Variants in CFAP92 observed in about 807,000 individuals in gnomAD.
CFAP92 encodes the protein cilia and flagella associated protein 92 (putative).
Under a neutral mutation model 106.3 loss-of-function variants are expected in CFAP92, and 86 were observed. That is an observed-to-expected ratio of 0.81 (90% confidence interval 0.68 to 0.97). The LOEUF (loss-of-function observed/expected upper bound fraction) is 0.97. CFAP92 is among the 50% of genes least tolerant of loss of function. CFAP92 has a pLI of 0.00. For missense variants in CFAP92, 1,204 were observed against 1,283.8 expected (o/e 0.94, Z 0.95); for synonymous variants, 477 against 506.4 (o/e 0.94, Z 0.78).
intron 10 of CFAP92, 144 bp downstream of exon 10, chr3:128,944,927 C>T: frequency 1.4e-6 from 1 of 733,572 alleles, no homozygotes; most frequent in African/African-American, 1.8e-5. Flanking sequence ...AATGACTAAA[C>T]CCTGGTAAGT....
At chr3:129,006,034 T>C (rs1376789007), upstream of CFAP92, among the ~76,000 whole-genome samples, 1 of 152,256 alleles carries the variant, frequency 6.6e-6, no homozygotes, top group Admixed American at 6.5e-5. Context: ...TCATAGCCAA[T>C]GCACCATTTA....
At chr3:129,011,550 CAAA>C in the CFAP92 span, among the ~76,000 whole-genome samples, 4 of 93,480 alleles carry the variant, frequency 4.3e-5, no homozygotes, top group African/African-American at 7.5e-5. Context: ...GACTCCGTCT[CAAA>C]AAAAAAAAAA....
chr3:129,023,570 G>A, the CFAP92 span, among the ~76,000 whole-genome samples: 1 of 152,176 alleles, frequency 6.6e-6, no homozygotes, highest in East Asian at 1.9e-4. Context: ...CTGACCTCAT[G>A]ATCCACCCGC....
intron 12 of CFAP92, among the ~76,000 whole-genome samples, chr3:128,924,667 G>A (rs931503327): frequency 4.0e-5 from 6 of 151,412 alleles, no homozygotes; most frequent in South Asian, 2.1e-4. Flanking sequence ...GGCTAGTCCC[G>A]AACTCCCAAC....
intron 4 of CFAP92, 39 bp downstream of exon 4, chr3:128,987,577 C>T: frequency 6.3e-7 from 1 of 1,574,928 alleles, no homozygotes; most frequent in East Asian, 2.2e-5. Flanking sequence ...GTGAGTAAGC[C>T]CCAGGCTTCC....
At chr3:129,023,562 G>A in the CFAP92 span, among the ~76,000 whole-genome samples, 1 of 152,106 alleles carries the variant, frequency 6.6e-6, no homozygotes, top group African/African-American at 2.4e-5. Flanking sequence ...TCGACCTCCT[G>A]ACCTCATGAT....
intron 14 of CFAP92, 32 bp downstream of exon 14, chr3:128,915,325 C>T (rs1208522544): frequency 6.5e-7 from 1 of 1,535,896 alleles, no homozygotes; most frequent in Admixed American, 2.0e-5. Context: ...CCTATGGACA[C>T]CCCACCTGAG....
chr3:128,964,016 C>T (rs1022705607), intron 9 of CFAP92, among the ~76,000 whole-genome samples: 2 of 152,140 alleles, frequency 1.3e-5, no homozygotes, highest in African/African-American at 4.8e-5. Context: ...CTGAGAAGGC[C>T]ACCGCAGTCA....
upstream of CFAP92, chr3:129,003,667 G>C: frequency 1.0e-6 from 1 of 974,700 alleles, no homozygotes; most frequent in Non-Finnish European, 1.3e-6. Flanking sequence ...CCCGGAAGCA[G>C]ACGGCGCAAG....
chr3:129,001,850 G>C (rs1241417460), intron 1 of CFAP92: 1 of 1,545,932 alleles, frequency 6.5e-7, no homozygotes, highest in Admixed American at 2.0e-5. Flanking sequence ...CCGGCCGTCT[G>C]CCCCGCGCCG....
rs1168314018 is a variant in CFAP92, at chr3:128,971,577, C to T, written c.1022-144G>A. 3 of 687,074 alleles carry T rather than the reference C, an allele frequency of 4.4e-6. No homozygotes were observed. The African/African-American group carries it at 5.4e-5, about 12-fold the overall frequency. The allele number at this position is 687,074 out of a possible 1,614,324, so 42.6% of individuals were successfully genotyped here. ...GTTATTCTTTGTGTGACTGCCTCTT[C>T]CCAGCAACCAGAAGTGGTGGCTAAA... On this transcript the variant is annotated intron_variant, in intron 7 of 15. Coordinates refer to ENST00000645291, the MANE Select transcript of CFAP92 (RefSeq NM_001394090.1).
chr3:128,994,086 G>T (rs1319659872), upstream of CFAP92: 1 of 985,664 alleles, frequency 1.0e-6, no homozygotes, highest in African/African-American at 1.7e-5. Flanking sequence ...TGAGAGGAGC[G>T]TCCGCCGGTG....
intron 7 of CFAP92, among the ~76,000 whole-genome samples, chr3:128,973,104 CCT>C (rs1217238466): frequency 1.1e-4 from 16 of 152,134 alleles, no homozygotes; most frequent in East Asian, 3.9e-4. Flanking sequence ...GTTATATACC[CCT>C]GTCTGTGAGG....
upstream of CFAP92, among the ~76,000 whole-genome samples, chr3:128,998,782 C>T (rs1169331578): frequency 6.6e-6 from 1 of 152,172 alleles, no homozygotes; most frequent in East Asian, 1.9e-4. Flanking sequence ...AAGCTCAGTT[C>T]CTGTGCAAAG....
intron 9 of CFAP92, among the ~76,000 whole-genome samples, chr3:128,959,555 A>T (rs1941709219): frequency 6.6e-6 from 1 of 152,210 alleles, no homozygotes; most frequent in Non-Finnish European, 1.5e-5. Context: ...GGAGACAGGG[A>T]TCCAACCAGA....
chr3:128,963,174 C>T (rs970747477), intron 9 of CFAP92, among the ~76,000 whole-genome samples: 1 of 152,190 alleles, frequency 6.6e-6, no homozygotes, highest in Non-Finnish European at 1.5e-5. Context: ...CCCTGCTGAT[C>T]GTGTCTGATT....
chr3:128,948,834 A>C (rs925784774), intron 9 of CFAP92, among the ~76,000 whole-genome samples: 16 of 152,198 alleles, frequency 1.1e-4, no homozygotes, highest in African/African-American at 3.9e-4. Context: ...CCAGCCTAGA[A>C]TATATATTTT....
At chr3:128,943,230 T>C (rs960872259) in intron 10 of CFAP92, among the ~76,000 whole-genome samples, 3 of 152,166 alleles carry the variant, frequency 2.0e-5, no homozygotes, top group Non-Finnish European at 2.9e-5. Context: ...ACTCAACCTT[T>C]TAAAGCGCAT....
At chr3:129,018,389 G>T in the CFAP92 span, among the ~76,000 whole-genome samples, 5 of 152,142 alleles carry the variant, frequency 3.3e-5, no homozygotes, top group African/African-American at 9.7e-5. Context: ...CTAAAAAAGG[G>T]ATATTTCATG....
Sources: allele counts gnomAD v4.1 joint callset (sites outside exome capture counted in the v4.1 genomes callset), GRCh38; gene constraint gnomAD v4.1.1; transcripts MANE v1.5; gene names NCBI Gene and HGNC (gene_info 2026-07-23, HGNC 2026-07-21).